The following STPG2 variants were observed in gnomAD, a reference collection of about 807,000 sequenced individuals.
STPG2 encodes sperm-tail PG-rich repeat-containing protein 2.
In STPG2, 56 loss-of-function variants were observed where a neutral mutation model predicts 54.2. The observed-to-expected ratio is 1.03, with a 90% confidence interval of 0.83 to 1.29. The LOEUF (loss-of-function observed/expected upper bound fraction) is 1.29. STPG2 is among the 50% of genes most tolerant of loss of function. STPG2 has a pLI of 0.00. For missense variants in STPG2, 596 were observed against 544.9 expected (o/e 1.09, Z -0.93); for synonymous variants, 200 against 181.8 (o/e 1.10, Z -0.81).
chr4:97,525,017 C>A (rs1731254208), intron 4 of STPG2, among the ~76,000 whole-genome samples: 1 of 151,738 alleles, frequency 6.6e-6, no homozygotes, highest in African/African-American at 2.4e-5. Flanking sequence ...TCATAGAGAC[C>A]TTCTTATATT....
intron 10 of STPG2, among the ~76,000 whole-genome samples, chr4:97,678,871 T>C (rs962948668): frequency 4.0e-5 from 6 of 151,122 alleles, no homozygotes; most frequent in Non-Finnish European, 5.9e-5. Context: ...TGAGAATATG[T>C]GGTGTTTGGT....
At chr4:97,867,676 G>C (rs1375176824) in intron 8 of STPG2, among the ~76,000 whole-genome samples, 2 of 151,972 alleles carry the variant, frequency 1.3e-5, no homozygotes, top group African/African-American at 2.4e-5. Flanking sequence ...CGGAAAGTTG[G>C]CAGTCCAGGA....
intron 9 of STPG2, among the ~76,000 whole-genome samples, chr4:97,806,206 G>A (rs1727557136): frequency 6.6e-6 from 1 of 152,202 alleles, no homozygotes; most frequent in African/African-American, 2.4e-5. Context: ...ATGAAACTGT[G>A]TCCTTGGTAG....
intron 2 of STPG2, among the ~76,000 whole-genome samples, chr4:98,132,890 G>A (rs11940331): frequency 4.1e-5 from 6 of 147,246 alleles, no homozygotes; most frequent in African/African-American, 7.5e-5. Context: ...ATGGGAATTC[G>A]TAAAGCTGTA....
intron 8 of STPG2, among the ~76,000 whole-genome samples, chr4:97,866,360 C>T (rs1578638017): frequency 6.6e-6 from 1 of 151,614 alleles, no homozygotes; most frequent in Non-Finnish European, 1.5e-5. Flanking sequence ...TCTCATATAC[C>T]CCATAAATAC....
chr4:97,937,785 GCAC>G (rs1458345145), intron 8 of STPG2, among the ~76,000 whole-genome samples: 1 of 152,154 alleles, frequency 6.6e-6, no homozygotes, highest in Non-Finnish European at 1.5e-5. Context: ...ACCTCGAGGG[GCAC>G]CAACCTAATG....
intron 4 of STPG2, among the ~76,000 whole-genome samples, chr4:97,461,341 A>T (rs572755806): frequency 6.6e-6 from 1 of 152,202 alleles, no homozygotes; most frequent in South Asian, 2.1e-4. Flanking sequence ...TTTGTGCTTC[A>T]CCCAAAAATC....
At chr4:97,483,130 T>C (rs1730266857) in intron 4 of STPG2, among the ~76,000 whole-genome samples, 1 of 151,548 alleles carries the variant, frequency 6.6e-6, no homozygotes, top group South Asian at 2.1e-4. Context: ...AGACAGGACC[T>C]ATAAAGCAAA....
At chr4:97,955,894 T>C (rs746981607) in intron 7 of STPG2, among the ~76,000 whole-genome samples, 1 of 151,968 alleles carries the variant, frequency 6.6e-6, no homozygotes, top group Non-Finnish European at 1.5e-5. Flanking sequence ...AAATAAATCA[T>C]TCAAAAATAA....
chr4:97,749,714 C>A (rs1725526458), intron 9 of STPG2, among the ~76,000 whole-genome samples: 1 of 151,702 alleles, frequency 6.6e-6, no homozygotes, highest in South Asian at 2.1e-4. Context: ...GGAGAACAAA[C>A]TGTATGGTGG....
At chr4:97,856,026 T>A (rs140681451) in intron 8 of STPG2, among the ~76,000 whole-genome samples, 298 of 152,230 alleles carry the variant, frequency 2.0e-3, no homozygotes, top group African/African-American at 7.1e-3. Flanking sequence ...TTCATCTGTG[T>A]GTCCATTTTT....
chr4:97,620,409 C>G (rs1002321263), intron 10 of STPG2, among the ~76,000 whole-genome samples: 1 of 152,102 alleles, frequency 6.6e-6, no homozygotes, highest in African/African-American at 2.4e-5. Flanking sequence ...ATTTTGATTT[C>G]ACATTATATT....
chr4:97,625,041 CT>C (rs1734104843), intron 10 of STPG2, among the ~76,000 whole-genome samples: 2 of 152,142 alleles, frequency 1.3e-5, no homozygotes, highest in Admixed American at 6.5e-5. Flanking sequence ...GAAATAGAGC[CT>C]TCACCAGAAT....
intron 9 of STPG2, among the ~76,000 whole-genome samples, chr4:97,762,256 T>C (rs761365239): frequency 5.3e-5 from 8 of 152,176 alleles, no homozygotes; most frequent in Non-Finnish European, 8.8e-5. Flanking sequence ...TCCATCTTTT[T>C]GTTCTGTCAG....
At chr4:97,921,794 C>T (rs566108459) in intron 8 of STPG2, among the ~76,000 whole-genome samples, 19 of 152,078 alleles carry the variant, frequency 1.2e-4, no homozygotes, top group African/African-American at 2.4e-4. Flanking sequence ...TGTTCATCAA[C>T]GGATAAAGAA....
At position 97,981,413 on chromosome 4, in the gene STPG2, G is replaced by A. The variant is rs1034564428; in HGVS notation, c.613-95C>T. 9 of 1,245,322 alleles carry A rather than the reference G, an allele frequency of 7.2e-6. No individual in the cohort carries two copies. In the East Asian group the frequency reaches 2.0e-4, roughly 27 times the overall value. The allele number at this position is 1,245,322 out of a possible 1,614,324, so 77.1% of individuals were successfully genotyped here. On this transcript the variant is annotated intron_variant, in intron 5 of 10. Coordinates refer to ENST00000295268, the MANE Select transcript of STPG2 (RefSeq NM_174952.3). Reference sequence around the variant, plus strand: ...TGCCTTTTGAGTAATATAACATCTGGAGTTAATTTATTTCTTAATGGAGTG... The same window carrying A: ...TGCCTTTTGAGTAATATAACATCTGAAGTTAATTTATTTCTTAATGGAGTG...
In STPG2 at chr4:98,017,985, G is replaced by A. The variant is rs1428341614; in HGVS notation, c.613-36667C>T. Among the ~76,000 whole-genome samples, 3 of 151,956 alleles carry A rather than the reference G, an allele frequency of 2.0e-5. No individual in the cohort carries two copies. The East Asian group carries it at 5.8e-4, about 29-fold the overall frequency. Reference sequence around the variant, plus strand: ...CCTCCCTAGCCATGTGGGACTGTGAGTCAGTTAAACTTCTTTTCTTTTTCT... The same window carrying A: ...CCTCCCTAGCCATGTGGGACTGTGAATCAGTTAAACTTCTTTTCTTTTTCT... On this transcript the variant is annotated intron_variant, in intron 5 of 10. Coordinates refer to ENST00000295268, the MANE Select transcript of STPG2 (RefSeq NM_174952.3).
At chr4:97,858,391 T>A (rs1188231326) in intron 8 of STPG2, among the ~76,000 whole-genome samples, 1 of 152,154 alleles carries the variant, frequency 6.6e-6, no homozygotes, top group Non-Finnish European at 1.5e-5. Flanking sequence ...AAGAGTAGCA[T>A]GACATATTAT....
In STPG2 at chr4:97,521,089, C is replaced by T. The variant is rs142909302; in HGVS notation, c.462+191610G>A. Among the ~76,000 whole-genome samples, 30 of 152,092 alleles carry T rather than the reference C, an allele frequency of 2.0e-4. 1 individual carries two copies. The East Asian group carries it at 4.5e-3, about 23-fold the overall frequency. On this transcript the variant is annotated intron_variant, in intron 4 of 4. Transcript: ENST00000522676. ...GTACATTCTGATAAAAAATACTCCACTGTTTGTTACTATTGTACATTATTA... is the reference window on the plus strand; with the variant it reads ...GTACATTCTGATAAAAAATACTCCATTGTTTGTTACTATTGTACATTATTA...
Sources: allele counts gnomAD v4.1 joint callset (sites outside exome capture counted in the v4.1 genomes callset), GRCh38; gene constraint gnomAD v4.1.1; transcripts MANE v1.5; gene names NCBI Gene and HGNC (gene_info 2026-07-23, HGNC 2026-07-21).